The following ACAN variants were observed in gnomAD, a reference collection of about 807,000 sequenced individuals.
ACAN encodes aggrecan core protein.
In ACAN, 47 loss-of-function variants were observed where a neutral mutation model predicts 169.1. The ratio of observed to expected loss-of-function variants is 0.28; its 90% CI spans 0.22 to 0.35. The LOEUF is 0.35. ACAN is among the 10% of genes least tolerant of loss of function. ACAN has a pLI of 1.00. For synonymous variants in ACAN, 1,115 were observed against 1,112.2 expected (o/e 1.00, Z -0.05); for missense variants, 2,716 against 2,759.9 (o/e 0.98, Z 0.36).
In ACAN at chr15:88,854,728, G is replaced by A. The variant is rs575028122; in HGVS notation, c.2267-124G>A. On this transcript the variant is annotated intron_variant, in intron 11 of 18. Coordinates refer to ENST00000560601, the MANE Select transcript of ACAN (RefSeq NM_001369268.1). ...GTTCCATTAGAAAGCATTTGGACAC[G>A]TTGCTGAGCTCTTGAGAGAAAAATT... 8.5e-5 allele frequency: 92 copies of A among 1,077,034 alleles called. 1 individual carries two copies. The Middle Eastern group carries it at 9.5e-4, about 11-fold the overall frequency. 66.7% of individuals were successfully genotyped at this position (1,077,034 alleles called of 1,614,324 possible). A position where few individuals can be genotyped will look rare whatever the true frequency, so the allele number is the denominator to read the frequency against.
intron 11 of ACAN, among the ~76,000 whole-genome samples, chr15:88,852,923 A>G (rs1352393261): frequency 1.3e-5 from 2 of 152,206 alleles, no homozygotes; most frequent in Non-Finnish European, 2.9e-5. Context: ...TAACTCATCC[A>G]GCTATGCATC....
chr15:88,829,438 G>A (rs1344464972), intron 1 of ACAN, among the ~76,000 whole-genome samples: 1 of 152,166 alleles, frequency 6.6e-6, no homozygotes, highest in Non-Finnish European at 1.5e-5. Context: ...TAGAATATGT[G>A]GGAAGTTAAC....
rs761828760 is a variant in ACAN at position 88,814,999 on chromosome 15, C to G, written c.-8+11190C>G. The stretch of plus-strand genomic sequence containing the variant: ...GACTCAGTTCTACCTCCAGCTGAAA[C>G]TTTGGTTTTTCTTGTCCTGTGTGGA... On this transcript the variant is annotated intron_variant, in intron 1 of 18. Coordinates refer to ENST00000560601, the MANE Select transcript of ACAN (RefSeq NM_001369268.1). This position sits in a 1 kb window ranked among gnomAD's most constrained non-coding sequence, Gnocchi z 4.0. Among the ~76,000 whole-genome samples the G allele has an allele frequency of 1.3e-5, 2 of 149,232 alleles. No individual in the cohort carries two copies. The highest frequency in any genetic ancestry group is 1.5e-5 in the Non-Finnish European group (1 of 67,704).
rs1023400337 is a variant in ACAN, at chr15:88,857,652, A to G, written c.5067A>G (p.Ala1689=). The change falls in exon 12 of 19, where the codon GCA becomes GCG. Residue 1689 remains alanine, a synonymous_variant. Coordinates refer to ENST00000560601, the MANE Select transcript of ACAN (RefSeq NM_001369268.1). Reference sequence around the variant, plus strand: ...GGGGAACCATTGGCATCAGTGGTGCAGGAGAAATATCTGGACTGCCCTCCA... The same window carrying G: ...GGGGAACCATTGGCATCAGTGGTGCGGGAGAAATATCTGGACTGCCCTCCA... The part of the protein sequence containing the change: ...EGRGTIGISG[A]GEISGLPSSE... 30 of 1,613,922 alleles carry G rather than the reference A, an allele frequency of 1.9e-5. No individual in the cohort carries two copies. Among genetic ancestry groups the G allele is most frequent in the Non-Finnish European group, 2.4e-5 (28 of 1,179,906 alleles).
At chr15:88,830,604 C>G (rs188419748) in intron 1 of ACAN, among the ~76,000 whole-genome samples, 1 of 151,312 alleles carries the variant, frequency 6.6e-6, no homozygotes, top group African/African-American at 2.4e-5. Context: ...ACAAATACTT[C>G]CCTCTGTGTA....
In ACAN at chr15:88,849,545, G is replaced by T. The variant is rs771963700; in HGVS notation, c.1840G>T (p.Ala614Ser). The change falls in exon 10 of 19, where the codon GCC becomes TCC. Residue 614 changes from alanine to serine, a missense_variant. Coordinates refer to ENST00000560601, the MANE Select transcript of ACAN (RefSeq NM_001369268.1). This position sits in a 1 kb window ranked among gnomAD's most constrained non-coding sequence, Gnocchi z 5.1. ...GGCCACCACGGGCCAGCTCTACGCC[G>T]CCTGGAGCCGCGGCCTGGACAAGTG... The part of the protein sequence containing the change: ...TLATTGQLYA[A>S]WSRGLDKCYA... The T allele has an allele frequency of 1.9e-6, 3 of 1,605,178 alleles. No individual in the cohort carries two copies. Among genetic ancestry groups the T allele is most frequent in the South Asian group, 1.1e-5 (1 of 89,908 alleles).
chr15:88,848,156 C>T, intron 9 of ACAN, 118 bp downstream of exon 9: 1 of 1,431,244 alleles, frequency 7.0e-7, no homozygotes, highest in Non-Finnish European at 9.4e-7. Context: ...TTCCACCCAG[C>T]TTTCCAGGTG....
chr15:88,846,846 C>T (rs1896803248), intron 7 of ACAN, among the ~76,000 whole-genome samples: 1 of 152,216 alleles, frequency 6.6e-6, no homozygotes, highest in Admixed American at 6.5e-5. Context: ...ACATAGCCCA[C>T]AAAGCCTAAA....
rs992268018 is a variant in ACAN at position 88,872,181 on chromosome 15, C to T, written c.7302+96C>T. 37 of 1,055,846 alleles carry T rather than the reference C, an allele frequency of 3.5e-5. 1 individual carries two copies. The highest frequency in any genetic ancestry group is 2.8e-4 in the African/African-American group (18 of 64,464). The allele number at this position is 1,055,846 out of a possible 1,614,324, so 65.4% of individuals were successfully genotyped here. On this transcript the variant is annotated intron_variant, in intron 16 of 18. Coordinates refer to ENST00000560601, the MANE Select transcript of ACAN (RefSeq NM_001369268.1). The surrounding 1 kb of genome is among the most constrained non-coding windows in gnomAD (Gnocchi z 5.4). ...TGCATTCAAACCCCATGCAGACAGC[C>T]GCTTACCAGCTGCTGGACCGGGAAC...
chr15:88,834,542 A>G (rs938613), intron 1 of ACAN, among the ~76,000 whole-genome samples: 110,794 of 152,170 alleles, frequency 0.73, 41,657 homozygotes, highest in African/African-American at 0.93. Context: ...ATAGAGCAAA[A>G]GTCTGGGAAT....
In ACAN at chr15:88,849,655, G is replaced by C; in HGVS notation, c.1950G>C (p.Val650=). The C allele has an allele frequency of 6.2e-7, 1 of 1,613,688 alleles. No homozygotes were observed. The highest frequency in any genetic ancestry group is 8.5e-7 in the Non-Finnish European group (1 of 1,179,846). ...CCTGCGGTGGGGACAAGCCAGGCGT[G>C]AGAACGGTCTACCTCTACCCTAACC... ...RPACGGDKPG[V]RTVYLYPNQT... is the part of the protein sequence containing the mutation. The change falls in exon 10 of 19, where the codon GTG becomes GTC. Residue 650 remains valine (V), a synonymous_variant. Coordinates refer to ENST00000560601, the MANE Select transcript of ACAN (RefSeq NM_001369268.1). This position sits in a 1 kb window ranked among gnomAD's most constrained non-coding sequence, Gnocchi z 5.1.
In ACAN at chr15:88,869,441, G is replaced by A. The variant is rs940040936; in HGVS notation, c.7060+1112G>A. ...ACTTAAGACTTTTGGGAAAAAAAAG[G>A]CCTGGACACTCCTACTCCCTTGCAG... On this transcript the variant is annotated intron_variant, in intron 14 of 18. Transcript: ENST00000560601. This position sits in a 1 kb window ranked among gnomAD's most constrained non-coding sequence, Gnocchi z 4.2. Among the ~76,000 whole-genome samples, 20 of 152,196 alleles carry A rather than the reference G, an allele frequency of 1.3e-4. No individual in the cohort carries two copies. Among genetic ancestry groups the A allele is most frequent in the Admixed American group, 5.9e-4 (9 of 15,288 alleles).
chr15:88,820,015 T>G (rs934890023), intron 1 of ACAN, among the ~76,000 whole-genome samples: 1 of 152,158 alleles, frequency 6.6e-6, no homozygotes, highest in African/African-American at 2.4e-5. Context: ...TCTGAGCCTC[T>G]GTCCCCTTGG....
At position 88,871,594 on chromosome 15, in the gene ACAN, G is replaced by T. The variant is rs1897381993; in HGVS notation, c.7219+54G>T. The T allele has an allele frequency of 6.4e-7, 1 of 1,552,104 alleles. No homozygotes were observed. On this transcript the variant is annotated intron_variant, in intron 15 of 18. Coordinates refer to ENST00000560601, the MANE Select transcript of ACAN (RefSeq NM_001369268.1). This position sits in a 1 kb window ranked among gnomAD's most constrained non-coding sequence, Gnocchi z 7.8. ...AGAGGAGAGTGGCGGTGTAGGCAAA[G>T]GGCCTCACCTTTCAGAAGGCAGCAG...
At chr15:88,837,606 A>T (rs1024226761) in intron 2 of ACAN, among the ~76,000 whole-genome samples, 3 of 152,128 alleles carry the variant, frequency 2.0e-5, no homozygotes, top group Non-Finnish European at 4.4e-5. Flanking sequence ...TGGGCACGAC[A>T]GTCCCTTTCA....
Position 88,814,181 on chromosome 15 carries a change from A to G in ACAN, c.-8+10372A>G, listed in dbSNP as rs1895885590. On this transcript the variant is annotated intron_variant, in intron 1 of 18. Coordinates refer to ENST00000560601, the MANE Select transcript of ACAN (RefSeq NM_001369268.1). This position sits in a 1 kb window ranked among gnomAD's most constrained non-coding sequence, Gnocchi z 4.0. Reference sequence around the variant, plus strand: ...AGTCTTGCTGTGCCTCGTTTTCCTCATCTGTGAATTGGGTATAATGACTCC... The same window carrying G: ...AGTCTTGCTGTGCCTCGTTTTCCTCGTCTGTGAATTGGGTATAATGACTCC... Among the ~76,000 whole-genome samples, 1 of 152,178 alleles carries G rather than the reference A, an allele frequency of 6.6e-6. No homozygotes were observed. The highest frequency in any genetic ancestry group is 1.5e-5 in the Non-Finnish European group (1 of 68,044).
At chr15:88,847,131 G>T in intron 7 of ACAN, 112 bp from the exon 8 acceptor site, 1 of 1,218,262 alleles carries the variant, frequency 8.2e-7, no homozygotes, top group Non-Finnish European at 1.1e-6. Context: ...GCATTGCCCA[G>T]ATAAATCCAA....
chr15:88,821,864 C>T (rs569524558), intron 1 of ACAN, among the ~76,000 whole-genome samples: 11 of 152,300 alleles, frequency 7.2e-5, no homozygotes, highest in African/African-American at 2.4e-4. Context: ...AACTGTTACA[C>T]TCACAGTTAC....
intron 2 of ACAN, 132 bp downstream of exon 2, chr15:88,836,408 C>G: frequency 1.2e-6 from 1 of 806,194 alleles, no homozygotes; most frequent in South Asian, 1.5e-5. Flanking sequence ...CCTGGCCCCA[C>G]CCTTCCCCTG....
Sources: allele counts gnomAD v4.1 joint callset (sites outside exome capture counted in the v4.1 genomes callset), GRCh38; gene constraint gnomAD v4.1.1; non-coding constraint Gnocchi (gnomAD v3.1); transcripts MANE v1.5; gene names NCBI Gene and HGNC (gene_info 2026-07-23, HGNC 2026-07-21).